TMEM53: variants seen among roughly 807,000 people sequenced by gnomAD.
The protein encoded by TMEM53 is novel DUF829 domain-containing protein.
Under a neutral mutation model 21.4 loss-of-function variants are expected in TMEM53, and 14 were observed. The observed-to-expected ratio is 0.65, with a 90% CI of 0.43 to 1.02. The LOEUF (loss-of-function observed/expected upper bound fraction) is 1.02, where lower values mean the gene tolerates loss of function less well. Among genes scored for constraint, TMEM53 ranks in the 50% least tolerant of loss-of-function variants. TMEM53 has a pLI of 0.00. For synonymous variants in TMEM53, 148 were observed against 157.4 expected (o/e 0.94, Z 0.45); for missense variants, 323 against 383.6 (o/e 0.84, Z 1.32).
At chr1:44,665,870 T>C (rs1435692421) in intron 1 of TMEM53, among the ~76,000 whole-genome samples, 4 of 151,872 alleles carry the variant, frequency 2.6e-5, no homozygotes, top group East Asian at 1.9e-4. Context: ...AAGAGATAAA[T>C]TGAGACTTCA....
intron 2 of TMEM53, 22 bp downstream of exon 2, chr1:44,660,152 G>T (rs1248231424): frequency 1.2e-6 from 2 of 1,610,508 alleles, no homozygotes; most frequent in African/African-American, 2.7e-5. Flanking sequence ...CAGCCCAGGG[G>T]AGAGGGCACC....
At chr1:44,660,350 C>G in intron 1 of TMEM53, 55 bp from the exon 2 acceptor site, 1 of 1,559,730 alleles carries the variant, frequency 6.4e-7, no homozygotes, top group Non-Finnish European at 8.7e-7. Flanking sequence ...GCGGGGGTGA[C>G]TGCCCAATCC....
At chr1:44,663,570 T>C (rs186121769) in intron 1 of TMEM53, among the ~76,000 whole-genome samples, 43 of 152,318 alleles carry the variant, frequency 2.8e-4, no homozygotes, top group African/African-American at 9.9e-4. Context: ...TTGTTATTCA[T>C]TGCCACATCA....
At chr1:44,670,096 C>G (rs1644985883) in intron 1 of TMEM53, among the ~76,000 whole-genome samples, 1 of 146,672 alleles carries the variant, frequency 6.8e-6, no homozygotes, top group Non-Finnish European at 1.5e-5. Context: ...CCACGCCCAG[C>G]CAGAAAGGGC....
At chr1:44,674,068 G>A in intron 1 of TMEM53, 1 of 985,454 alleles carries the variant, frequency 1.0e-6, no homozygotes, top group Non-Finnish European at 1.2e-6. Flanking sequence ...TGAGCACCCC[G>A]GACAGGAAAG....
chr1:44,667,571 G>C (rs1298333498), intron 1 of TMEM53, among the ~76,000 whole-genome samples: 1 of 151,784 alleles, frequency 6.6e-6, no homozygotes, highest in East Asian at 1.9e-4. Context: ...GCCTCCCAAA[G>C]TGCTGGAATT....
Position 44,654,604 on chromosome 1 carries a change from G to A in TMEM53, c.789C>T (p.Tyr263=). ...GCATGAAGTCGACACAGAGGCTTGT[G>A]TAGTAAGTAGGGTAGTCACGGAGGT... ...VSHLRDYPTY[Y]TSLCVDFMRN... Residue 263 remains tyrosine, a synonymous_variant, in exon 3 of 3, where the codon TAC becomes TAT. Transcript: ENST00000372237. The surrounding 1 kb of genome is among the most constrained non-coding windows in gnomAD (Gnocchi z 7.0). 1.2e-6 allele frequency: 2 copies of A among 1,613,026 alleles called. No individual in the cohort carries two copies. The highest frequency in any genetic ancestry group is 1.7e-6 in the Non-Finnish European group (2 of 1,179,312).
At chr1:44,660,005 C>T (rs1017051899) in intron 2 of TMEM53, among the ~76,000 whole-genome samples, 169 bp downstream of exon 2, 2 of 152,030 alleles carry the variant, frequency 1.3e-5, no homozygotes, top group Non-Finnish European at 2.9e-5. Flanking sequence ...ATTACAGGCA[C>T]GTGCCACCAG....
At chr1:44,669,519 T>C (rs1198858274) in intron 1 of TMEM53, among the ~76,000 whole-genome samples, 2 of 152,194 alleles carry the variant, frequency 1.3e-5, no homozygotes, top group African/African-American at 4.8e-5. Context: ...AAATCTGGAA[T>C]TACTTTGGGC....
chr1:44,656,764 A>G (rs1421481429), intron 2 of TMEM53, among the ~76,000 whole-genome samples: 2 of 151,846 alleles, frequency 1.3e-5, no homozygotes, highest in African/African-American at 4.9e-5. Flanking sequence ...CTGTAATCCC[A>G]ACACTTTGGG....
chr1:44,671,077 A>G (rs1644995949), intron 1 of TMEM53, among the ~76,000 whole-genome samples: 1 of 152,236 alleles, frequency 6.6e-6, no homozygotes, highest in South Asian at 2.1e-4. Context: ...GAAGCCATCA[A>G]AAACACGACA....
intron 2 of TMEM53, among the ~76,000 whole-genome samples, chr1:44,658,294 C>T (rs528859208): frequency 2.0e-5 from 3 of 152,140 alleles, no homozygotes; most frequent in Non-Finnish European, 4.4e-5. Context: ...AAAAACACAC[C>T]CCCCTCTACC....
rs759090335 is a variant in TMEM53, at chr1:44,674,322, A to C, written c.61+9T>G. 1.9e-6 allele frequency: 3 copies of C among 1,610,990 alleles called. No individual in the cohort carries two copies. Among genetic ancestry groups the C allele is most frequent in the Non-Finnish European group, 2.5e-6 (3 of 1,178,462 alleles). ...CTCCCCGCGCCTGGACCCAACCCTCATTCCATACTCTGGCTCCAGCAGGGC... is the reference window on the plus strand; with the variant it reads ...CTCCCCGCGCCTGGACCCAACCCTCCTTCCATACTCTGGCTCCAGCAGGGC... On this transcript the variant is annotated intron_variant, in intron 1 of 2. Transcript: ENST00000372237.
chr1:44,670,316 G>A (rs950244704), intron 1 of TMEM53, among the ~76,000 whole-genome samples: 21 of 152,038 alleles, frequency 1.4e-4, no homozygotes, highest in South Asian at 4.1e-4. Context: ...AAAGCACAGC[G>A]CGGCCTCCTG....
rs1478438708 is a variant in TMEM53 at position 44,663,708 on chromosome 1, T to C, written c.62-3413A>G. 2.6e-5 allele frequency among the ~76,000 whole-genome samples: 4 copies of C among 152,184 alleles called. No homozygotes were observed. In the South Asian group the frequency reaches 8.3e-4, roughly 31 times the overall value. ...CCTCTGGCAGCTAACTTTGAGGCAC[T>C]GAAAACTTTGGCCCCTGGCTGGATC... On this transcript the variant is annotated intron_variant, in intron 1 of 2. Coordinates refer to ENST00000372237, the MANE Select transcript of TMEM53 (RefSeq NM_024587.4).
At chr1:44,672,603 G>C (rs920050807) in intron 1 of TMEM53, among the ~76,000 whole-genome samples, 1 of 152,190 alleles carries the variant, frequency 6.6e-6, no homozygotes, top group Non-Finnish European at 1.5e-5. Flanking sequence ...TCGCCCCAGG[G>C]AAGGGTCTGC....
rs35956030 is a variant in TMEM53 at position 44,672,770 on chromosome 1, T to TA, written c.61+1560dup. On this transcript the variant is annotated intron_variant, in intron 1 of 2. Transcript: ENST00000372237. Reference sequence around the variant, plus strand: ...GGGCGACAGGGGAGACTCCATCTCTTAAAAAAAAAAAAAGAAAGGGGGGCT... The same window carrying TA: ...GGGCGACAGGGGAGACTCCATCTCTTAAAAAAAAAAAAAAGAAAGGGGGGCT... Among the ~76,000 whole-genome samples the TA allele has an allele frequency of 7.9e-3, 1,123 of 141,880 alleles. 16 individuals carry two copies. The highest frequency in any genetic ancestry group is 0.023 in the African/African-American group (887 of 38,424). The allele number at this position is 141,880 out of a possible 152,430, so 93.1% of individuals were successfully genotyped here. A position where few individuals can be genotyped will look rare whatever the true frequency, so the allele number is the denominator to read the frequency against.
rs980846178 is a variant in TMEM53, at chr1:44,660,072, G to A, written c.183+102C>T. ...AGGGTTTGACCATGTTGGCCAGGCT[G>A]GTCTCGAACTCTAGAGGCTGTTCTT... On this transcript the variant is annotated intron_variant, in intron 2 of 2. Coordinates refer to ENST00000372237, the MANE Select transcript of TMEM53 (RefSeq NM_024587.4). 2.1e-6 allele frequency: 3 copies of A among 1,405,942 alleles called. No individual in the cohort carries two copies. The African/African-American group carries it at 4.4e-5, about 20-fold the overall frequency. 87.1% of individuals were successfully genotyped at this position (1,405,942 alleles called of 1,614,324 possible). A position where few individuals can be genotyped will look rare whatever the true frequency, so the allele number is the denominator to read the frequency against.
chr1:44,660,139 C>T lies in TMEM53; in HGVS notation c.183+35G>A, dbSNP rs200638073. 5.9e-5 allele frequency: 95 copies of T among 1,602,670 alleles called. No homozygotes were observed. The African/African-American group carries it at 1.0e-3, about 17-fold the overall frequency. ...CTGCCTCAAAGGTGGTCAGCCCTCA[C>T]GGCAGCCCAGGGGAGAGGGCACCAG... is the stretch of plus-strand genomic sequence containing the variant. On this transcript the variant is annotated intron_variant, in intron 2 of 2. Transcript: ENST00000372237.
Sources: allele counts gnomAD v4.1 joint callset (sites outside exome capture counted in the v4.1 genomes callset), GRCh38; gene constraint gnomAD v4.1.1; non-coding constraint Gnocchi (gnomAD v3.1); transcripts MANE v1.5; gene names NCBI Gene and HGNC (gene_info 2026-07-23, HGNC 2026-07-21).